Variants in HDGFL3 observed in about 807,000 individuals in gnomAD.
HDGFL3 encodes the protein hepatoma-derived growth factor-related protein 3.
Under a neutral mutation model 27.6 loss-of-function variants are expected in HDGFL3, and 6 were observed. The ratio of observed to expected loss-of-function variants is 0.22; its 90% CI spans 0.12 to 0.43. The LOEUF is 0.43. Among genes scored for constraint, HDGFL3 ranks in the 20% least tolerant of loss-of-function variants. The pLI, the probability that HDGFL3 is intolerant of heterozygous loss-of-function variation, is 1.00. For synonymous variants in HDGFL3, 88 were observed against 88.9 expected (o/e 0.99, Z 0.05); for missense variants, 207 against 250.1 (o/e 0.83, Z 1.16).
rs1198141644 is a variant in HDGFL3 at position 83,132,854 on chromosome 15, A to G, written c.*6416T>C. On this transcript the variant is annotated 3_prime_UTR_variant, in exon 6 of 6. Transcript: ENST00000299633. ...TTGCTAAACATCTTTATTTAGTATTAAATTATACTGATTTAACATCTTTTA... is the reference window on the plus strand; with the variant it reads ...TTGCTAAACATCTTTATTTAGTATTGAATTATACTGATTTAACATCTTTTA... 1 of 152,222 alleles carries G rather than the reference A, an allele frequency of 6.6e-6. No individual in the cohort carries two copies. Among genetic ancestry groups the G allele is most frequent in the East Asian group, 1.9e-4 (1 of 5,206 alleles). The allele number at this position is 152,222 out of a possible 1,614,324, so 9.4% of individuals were successfully genotyped here. A position where few individuals can be genotyped will look rare whatever the true frequency, so the allele number is the denominator to read the frequency against.
intron 3 of HDGFL3, chr15:83,121,897 A>AT: frequency 1.3e-6 from 2 of 1,567,826 alleles, no homozygotes; most frequent in Non-Finnish European, 8.7e-7. Context: ...CCAAGTCAAG[A>AT]TTTTTTTGTT....
intron 3 of HDGFL3, chr15:83,119,804 A>T: frequency 6.7e-7 from 1 of 1,489,208 alleles, no homozygotes; most frequent in South Asian, 1.3e-5. Context: ...TATAAGTTCC[A>T]TGGGTGCACG....
At chr15:83,151,419 T>C in intron 4 of HDGFL3, 58 bp from the exon 5 acceptor site, 1 of 1,441,838 alleles carries the variant, frequency 6.9e-7, no homozygotes, top group East Asian at 2.3e-5. Flanking sequence ...AATGTACAAG[T>C]AAGAGATGCA....
intron 5 of HDGFL3, among the ~76,000 whole-genome samples, chr15:83,141,355 A>T (rs1483974166): frequency 6.6e-6 from 1 of 152,334 alleles, no homozygotes; most frequent in East Asian, 1.9e-4. Context: ...CACTGTAAGC[A>T]GAAGCTATGA....
At chr15:83,151,613 A>C (rs1596549021) in intron 4 of HDGFL3, among the ~76,000 whole-genome samples, 1 of 152,222 alleles carries the variant, frequency 6.6e-6, no homozygotes, top group Non-Finnish European at 1.5e-5. Context: ...ATTTCCAGCA[A>C]TGTGATATTA....
Position 83,177,684 on chromosome 15 carries a change from T to C in HDGFL3, c.85-13609A>G, listed in dbSNP as rs569250823. Among the ~76,000 whole-genome samples, 4 of 152,338 alleles carry C rather than the reference T, an allele frequency of 2.6e-5. No individual in the cohort carries two copies. The South Asian group carries it at 8.3e-4, about 32-fold the overall frequency. On this transcript the variant is annotated intron_variant, in intron 1 of 5. Transcript: ENST00000299633. ...ATAGAAATATAAAAACATTGGTCAC[T>C]GAGTGTGTGTGTGTGTATCTGCTTT...
Position 83,136,793 on chromosome 15 carries a change from C to G in HDGFL3, c.*2477G>C, listed in dbSNP as rs1280877285. ...ACTTAAGAATATGTACATTCTTGCT[C>G]TGCACTGTATGTGTGAGCTATATGG... On this transcript the variant is annotated 3_prime_UTR_variant, in exon 6 of 6. Coordinates refer to ENST00000299633, the MANE Select transcript of HDGFL3 (RefSeq NM_016073.4). 7 of 843,660 alleles carry G rather than the reference C, an allele frequency of 8.3e-6. No homozygotes were observed. The highest frequency in any genetic ancestry group is 1.3e-5 in the Non-Finnish European group (7 of 551,786). 52.3% of individuals were successfully genotyped at this position (843,660 alleles called of 1,614,324 possible).
At chr15:83,181,416 G>A (rs1227000914) in intron 1 of HDGFL3, among the ~76,000 whole-genome samples, 3 of 152,212 alleles carry the variant, frequency 2.0e-5, no homozygotes, top group East Asian at 1.9e-4. Context: ...ATAGTTAAAA[G>A]TGAGGCATTT....
chr15:83,125,742 G>T (rs1274046975), downstream of HDGFL3, among the ~76,000 whole-genome samples: 6 of 152,234 alleles, frequency 3.9e-5, no homozygotes, highest in Non-Finnish European at 8.8e-5. Flanking sequence ...AGTGGCAAGT[G>T]TAAGCCCATG....
At chr15:83,141,463 G>T (rs548129299) in intron 5 of HDGFL3, among the ~76,000 whole-genome samples, 1 of 152,188 alleles carries the variant, frequency 6.6e-6, no homozygotes, top group Non-Finnish European at 1.5e-5. Context: ...AATTTGGCAC[G>T]TTATAACAAA....
intron 1 of HDGFL3, chr15:83,192,319 A>C (rs572283731): frequency 5.3e-5 from 24 of 455,226 alleles, no homozygotes; most frequent in Non-Finnish European, 7.9e-5. Flanking sequence ...CTAAAAATAA[A>C]AAACAAAACA....
At chr15:83,155,108 A>T (rs1293515651) in intron 4 of HDGFL3, among the ~76,000 whole-genome samples, 2 of 152,176 alleles carry the variant, frequency 1.3e-5, no homozygotes, top group Non-Finnish European at 1.5e-5. Context: ...CAAGAGATCC[A>T]CTTGTCTCAG....
chr15:83,120,200 G>A (rs1467167217), intron 3 of HDGFL3: 1 of 158,664 alleles, frequency 6.3e-6, no homozygotes, highest in East Asian at 1.8e-4. Context: ...TGATGTGAAA[G>A]GTGCTGGTTT....
At position 83,207,059 on chromosome 15, in the gene HDGFL3, T is replaced by G. The variant is rs549475753; in HGVS notation, c.84+272A>C. ...GTGGCTTCCCGGTCGGCACCGGCTTTCCAGGAGGAAGGCAGCGTCGGGCCT... is the reference window on the plus strand; with the variant it reads ...GTGGCTTCCCGGTCGGCACCGGCTTGCCAGGAGGAAGGCAGCGTCGGGCCT... On this transcript the variant is annotated intron_variant, in intron 1 of 5. Transcript: ENST00000299633. The surrounding 1 kb of genome is among the most constrained non-coding windows in gnomAD (Gnocchi z 4.8). Among the ~76,000 whole-genome samples the G allele has an allele frequency of 1.3e-5, 2 of 152,154 alleles. No individual in the cohort carries two copies. Among genetic ancestry groups the G allele is most frequent in the Non-Finnish European group, 2.9e-5 (2 of 68,014 alleles).
intron 1 of HDGFL3, among the ~76,000 whole-genome samples, chr15:83,171,098 G>C (rs576672053): frequency 2.0e-5 from 3 of 152,046 alleles, no homozygotes; most frequent in Admixed American, 6.6e-5. Context: ...TGTGCACAAC[G>C]TGCAGGTTTG....
intron 2 of HDGFL3, among the ~76,000 whole-genome samples, chr15:83,158,509 G>A (rs973994242): frequency 6.6e-6 from 1 of 152,178 alleles, no homozygotes; most frequent in Non-Finnish European, 1.5e-5. Flanking sequence ...TTTGCCTTCT[G>A]TGGTTTTAGT....
At chr15:83,187,580 C>T (rs2037460152) in intron 1 of HDGFL3, among the ~76,000 whole-genome samples, 1 of 152,232 alleles carries the variant, frequency 6.6e-6, no homozygotes, top group African/African-American at 2.4e-5. Flanking sequence ...GTTTTCAGTG[C>T]TTTTCTCCTT....
chr15:83,175,971 T>C (rs890282886), intron 1 of HDGFL3, among the ~76,000 whole-genome samples: 3 of 152,262 alleles, frequency 2.0e-5, no homozygotes, highest in Admixed American at 6.5e-5. Context: ...GTGATTCTGG[T>C]TCTGCACAGA....
intron 2 of HDGFL3, among the ~76,000 whole-genome samples, chr15:83,158,821 G>A (rs2037063055): frequency 6.6e-6 from 1 of 152,184 alleles, no homozygotes; most frequent in South Asian, 2.1e-4. Context: ...ACTGTACCAC[G>A]TTAGTATATT....
Sources: gnomAD v4.1 joint callset for allele counts (sites outside exome capture counted in the v4.1 genomes callset) on GRCh38, gnomAD v4.1.1 for gene constraint, Gnocchi (gnomAD v3.1) non-coding constraint, MANE v1.5 for transcripts, NCBI Gene and HGNC (gene_info 2026-07-23, HGNC 2026-07-21) for gene names.